LRRC4C: variants seen among roughly 807,000 people sequenced by gnomAD.
LRRC4C encodes the protein leucine rich repeat containing 4C.
In LRRC4C, 5 loss-of-function variants were observed where a neutral mutation model predicts 33.6. That is an observed-to-expected ratio of 0.15 (90% CI 0.08 to 0.31). The LOEUF (loss-of-function observed/expected upper bound fraction) is 0.31, where lower values mean the gene tolerates loss of function less well. Ranked by LOEUF, LRRC4C falls within the 10% of genes least tolerant of loss-of-function variation. The pLI, the probability that LRRC4C is intolerant of heterozygous loss-of-function variation, is 1.00. For missense variants in LRRC4C, 560 were observed against 796.7 expected (o/e 0.70, Z 3.58); for synonymous variants, 329 against 302.0 (o/e 1.09, Z -0.93).
chr11:40,360,266 A>G (rs753891794), intron 3 of LRRC4C, among the ~76,000 whole-genome samples: 3 of 152,166 alleles, frequency 2.0e-5, no homozygotes, highest in Non-Finnish European at 2.9e-5. Context: ...GACAGTATTT[A>G]GAAAGGCAAA....
At chr11:40,786,595 C>A (rs1950418883) in intron 2 of LRRC4C, among the ~76,000 whole-genome samples, 1 of 152,120 alleles carries the variant, frequency 6.6e-6, no homozygotes, top group Admixed American at 6.5e-5. Context: ...TCGCTACTAC[C>A]ACAGTAGGAT....
At chr11:41,138,857 A>G (rs1277205606) in intron 1 of LRRC4C, among the ~76,000 whole-genome samples, 1 of 152,186 alleles carries the variant, frequency 6.6e-6, no homozygotes, top group Non-Finnish European at 1.5e-5. Context: ...CCCAAGGGAG[A>G]ACTTGAGATT....
intron 2 of LRRC4C, among the ~76,000 whole-genome samples, chr11:40,880,206 C>A (rs1449894516): frequency 6.6e-6 from 1 of 152,054 alleles, no homozygotes; most frequent in African/African-American, 2.4e-5. Flanking sequence ...CAGAAAATAT[C>A]AGAGCTGATA....
intron 1 of LRRC4C, among the ~76,000 whole-genome samples, chr11:41,194,193 A>G (rs1946084073): frequency 6.6e-6 from 1 of 152,164 alleles, no homozygotes; most frequent in Admixed American, 6.6e-5. Flanking sequence ...ATATAGTACT[A>G]TAACATACAA....
chr11:41,106,515 A>G (rs1226090018), intron 1 of LRRC4C, among the ~76,000 whole-genome samples: 5 of 151,998 alleles, frequency 3.3e-5, no homozygotes, highest in Non-Finnish European at 7.4e-5. Flanking sequence ...AACAAGTAAC[A>G]GGTAATATCC....
chr11:40,786,315 T>A (rs1161995925), intron 2 of LRRC4C, among the ~76,000 whole-genome samples: 1 of 152,222 alleles, frequency 6.6e-6, no homozygotes, highest in Non-Finnish European at 1.5e-5. Context: ...TTAGTGAATA[T>A]GACTTGAGCA....
At chr11:40,183,863 G>T (rs886871267) in intron 5 of LRRC4C, among the ~76,000 whole-genome samples, 1 of 152,212 alleles carries the variant, frequency 6.6e-6, no homozygotes, top group Non-Finnish European at 1.5e-5. Flanking sequence ...GTACTCTAAA[G>T]GGAGGCTGAA....
In LRRC4C at chr11:41,142,739, T is replaced by C. The variant is rs143598979; in HGVS notation, c.-495-209016A>G. On this transcript the variant is annotated intron_variant, in intron 1 of 6. Transcript: ENST00000528697. The stretch of plus-strand genomic sequence containing the variant: ...AATAAAAATCAATGAAAGTGCTCTA[T>C]GTTTTGATGCAAAAGAGAGACATTA... 9.4e-3 allele frequency among the ~76,000 whole-genome samples: 1,431 copies of C among 152,318 alleles called. 22 individuals carry two copies. Among genetic ancestry groups the C allele is most frequent in the Non-Finnish European group, 0.012 (813 of 68,014 alleles).
intron 4 of LRRC4C, among the ~76,000 whole-genome samples, chr11:40,315,139 T>G (rs913283439): frequency 6.6e-6 from 1 of 151,976 alleles, no homozygotes; most frequent in Admixed American, 6.6e-5. Context: ...AGTATCACTG[T>G]ATACTCCCAA....
chr11:40,880,513 G>A (rs1190594160), intron 2 of LRRC4C, among the ~76,000 whole-genome samples: 10 of 117,966 alleles, frequency 8.5e-5, no homozygotes, highest in Admixed American at 2.0e-4. Flanking sequence ...TGACTCCTAC[G>A]AACCCCTCCA....
chr11:41,107,657 A>G (rs1041456664), intron 1 of LRRC4C, among the ~76,000 whole-genome samples: 31 of 152,076 alleles, frequency 2.0e-4, no homozygotes, highest in Non-Finnish European at 1.0e-4. Context: ...TAAAAAAGTG[A>G]CTGGGTGTGG....
intron 1 of LRRC4C, among the ~76,000 whole-genome samples, chr11:41,024,028 C>T (rs10837550): frequency 1.3e-5 from 2 of 150,600 alleles, no homozygotes; most frequent in Admixed American, 1.3e-4. Flanking sequence ...TTTCTAGTTG[C>T]GTTCAGATCA....
intron 1 of LRRC4C, among the ~76,000 whole-genome samples, chr11:40,962,912 G>A (rs1851072401): frequency 6.6e-6 from 1 of 151,706 alleles, no homozygotes; most frequent in Non-Finnish European, 1.5e-5. Flanking sequence ...GAAGCAGGAA[G>A]AATGCCTTAT....
At chr11:40,794,196 T>C (rs1950734257) in intron 2 of LRRC4C, among the ~76,000 whole-genome samples, 1 of 152,114 alleles carries the variant, frequency 6.6e-6, no homozygotes, top group African/African-American at 2.4e-5. Context: ...AGCATAATTA[T>C]GGTTCAGGAA....
At chr11:40,958,983 G>A (rs1959077481) in intron 1 of LRRC4C, among the ~76,000 whole-genome samples, 1 of 151,660 alleles carries the variant, frequency 6.6e-6, no homozygotes, top group African/African-American at 2.4e-5. Context: ...GCTAACTGGA[G>A]CCAGACTGAA....
intron 2 of LRRC4C, among the ~76,000 whole-genome samples, chr11:40,677,840 C>T: frequency 6.6e-6 from 1 of 152,144 alleles, no homozygotes; most frequent in Non-Finnish European, 1.5e-5. Flanking sequence ...AAGGATGATA[C>T]ATTTCTTTAC....
chr11:40,955,286 A>G (rs1958906057), intron 1 of LRRC4C, among the ~76,000 whole-genome samples: 1 of 151,822 alleles, frequency 6.6e-6, no homozygotes, highest in African/African-American at 2.4e-5. Context: ...GTGGAGAGCT[A>G]TAAGGACAGA....
intron 1 of LRRC4C, among the ~76,000 whole-genome samples, chr11:41,343,253 C>T (rs548600259): frequency 3.9e-5 from 6 of 152,180 alleles, no homozygotes; most frequent in Non-Finnish European, 8.8e-5. Flanking sequence ...AATGTAGATG[C>T]ATATTTGCCT....
intron 3 of LRRC4C, among the ~76,000 whole-genome samples, chr11:40,539,332 T>C (rs940192034): frequency 6.6e-6 from 1 of 152,198 alleles, no homozygotes; most frequent in Non-Finnish European, 1.5e-5. Flanking sequence ...AGTACCTATA[T>C]TGATTTATTC....
Sources: gnomAD v4.1 joint callset for allele counts (sites outside exome capture counted in the v4.1 genomes callset) on GRCh38, gnomAD v4.1.1 for gene constraint, MANE v1.5 for transcripts, NCBI Gene and HGNC (gene_info 2026-07-23, HGNC 2026-07-21) for gene names.